The following ADGRB2 variants were observed in gnomAD, a reference collection of about 807,000 sequenced individuals.
ADGRB2 encodes the protein brain-specific angiogenesis inhibitor 2.
ADGRB2 carries 47 observed loss-of-function variants against 178.7 expected under a neutral mutation model. The observed-to-expected ratio is 0.26, with a 90% CI of 0.21 to 0.34. The LOEUF (loss-of-function observed/expected upper bound fraction) is 0.34. ADGRB2 is among the 10% of genes least tolerant of loss of function. ADGRB2 has a pLI of 1.00. For synonymous variants in ADGRB2, 870 were observed against 912.4 expected, an observed-to-expected ratio of 0.95 and a Z score of 0.84; for missense variants, 1,584 against 2,180.8, an observed-to-expected ratio of 0.73 and a Z score of 5.45.
At chr1:31,762,258 G>C (rs1647062127) in intron 1 of ADGRB2, among the ~76,000 whole-genome samples, 1 of 152,088 alleles carries the variant, frequency 6.6e-6, no homozygotes, top group African/African-American at 2.4e-5. Flanking sequence ...TCTTGGTCCA[G>C]AGAAGACCCT....
At position 31,756,113 on chromosome 1, in the gene ADGRB2, G is replaced by A. The variant is rs1232691965; in HGVS notation, c.724C>T (p.Pro242Ser). ...GSTTTTSPGPPAAHTLSNALV... is the reference protein window; with the variant it reads ...GSTTTTSPGPSAAHTLSNALV... ...GCATTGGACAGGGTGTGGGCAGCAG[G>A]AGGGCCTGGAGATGTGGTGGTGGTG... Residue 242 changes from proline (P) to serine (S), a missense_variant, in exon 4 of 33, where the codon CCT becomes TCT. Physicochemically the swap from Pro to Ser is moderately conservative, Grantham distance 74. Around this residue, in one of 3 missense-constraint regions of ADGRB2, gnomAD observed 657 missense variants for 847.6 expected, o/e 0.78. Coordinates refer to ENST00000373658, the MANE Select transcript of ADGRB2 (RefSeq NM_001364857.2). The surrounding 1 kb of genome is among the most constrained non-coding windows in gnomAD (Gnocchi z 8.5). 5 of 1,613,814 alleles carry A rather than the reference G, an allele frequency of 3.1e-6. No homozygotes were observed. Among genetic ancestry groups the A allele is most frequent in the Non-Finnish European group, 4.2e-6 (5 of 1,179,982 alleles).
At chr1:31,739,258 G>C (rs781015179) in intron 15 of ADGRB2, 50 bp downstream of exon 15, 6 of 1,429,846 alleles carry the variant, frequency 4.2e-6, no homozygotes, top group African/African-American at 1.4e-5. Flanking sequence ...TCCCTTACCT[G>C]GGCCTTCCTG....
Position 31,736,393 on chromosome 1 carries a change from G to T in ADGRB2, c.3131-3C>A, listed in dbSNP as rs370038511. 1.2e-6 allele frequency: 2 copies of T among 1,613,760 alleles called. No homozygotes were observed. The highest frequency in any genetic ancestry group is 2.7e-5 in the African/African-American group (2 of 74,880). On this transcript the variant is annotated splice_polypyrimidine_tract_variant and splice_region_variant and intron_variant, in intron 21 of 32. Transcript: ENST00000373658. The stretch of plus-strand genomic sequence containing the variant: ...GGCCACCACCAGGGCAGGCAGACCT[G>T]GGGGAGCAGGGGTGCCAGAGTGAGA...
At chr1:31,749,118 C>T (rs917632335) in intron 4 of ADGRB2, among the ~76,000 whole-genome samples, 1 of 152,212 alleles carries the variant, frequency 6.6e-6, no homozygotes, top group African/African-American at 2.4e-5. Context: ...GTCCTTGCCC[C>T]TCTTATCCTG....
Position 31,727,813 on chromosome 1 carries a change from G to T in ADGRB2, c.4573-208C>A. 1.2e-6 allele frequency: 1 copy of T among 855,314 alleles called. No homozygotes were observed. Among genetic ancestry groups the T allele is most frequent in the Non-Finnish European group, 1.7e-6 (1 of 571,938 alleles). 53.0% of individuals were successfully genotyped at this position (855,314 alleles called of 1,614,324 possible). A position where few individuals can be genotyped will look rare whatever the true frequency, so the allele number is the denominator to read the frequency against. The stretch of plus-strand genomic sequence containing the variant: ...CAGTGGCCCCCAGGACATGTCTCCT[G>T]CTGACCACTCTCCCTCCCAATCCTG... On this transcript the variant is annotated intron_variant, in intron 32 of 32. Coordinates refer to ENST00000373658, the MANE Select transcript of ADGRB2 (RefSeq NM_001364857.2). The surrounding 1 kb of genome is among the most constrained non-coding windows in gnomAD (Gnocchi z 4.4).
chr1:31,756,873 C>G lies in ADGRB2; in HGVS notation c.22-58G>C, dbSNP rs1646863080. The stretch of plus-strand genomic sequence containing the variant: ...AGCACAGCCAGCATGGGCTCTGAAC[C>G]TTCTATGGTGAGCTGCGGGAGTGGG... On this transcript the variant is annotated intron_variant, in intron 3 of 32. Coordinates refer to ENST00000373658, the MANE Select transcript of ADGRB2 (RefSeq NM_001364857.2). The surrounding 1 kb of genome is among the most constrained non-coding windows in gnomAD (Gnocchi z 8.5). 2.1e-6 allele frequency: 3 copies of G among 1,422,380 alleles called. No individual in the cohort carries two copies. The highest frequency in any genetic ancestry group is 9.3e-7 in the Non-Finnish European group (1 of 1,074,468). The allele number at this position is 1,422,380 out of a possible 1,614,324, so 88.1% of individuals were successfully genotyped here.
At position 31,748,809 on chromosome 1, in the gene ADGRB2, C is replaced by CAG. The variant is rs1301004218; in HGVS notation, c.839-4079_839-4078insCT. Among the ~76,000 whole-genome samples, 220 of 152,364 alleles carry CAG rather than the reference C, an allele frequency of 1.4e-3. 1 individual carries two copies. The highest frequency in any genetic ancestry group is 2.5e-3 in the Non-Finnish European group (171 of 68,036). ...CATAACTATTCTGTTCTGAATAAGG[C>CAG]AACGTTTACTAAACAACTCCTACAT... is the stretch of plus-strand genomic sequence containing the variant. On this transcript the variant is annotated intron_variant, in intron 4 of 32. Transcript: ENST00000373658.
Position 31,758,128 on chromosome 1 carries a change from C to G in ADGRB2, c.-190-617G>C, listed in dbSNP as rs1401688926. 1.3e-5 allele frequency among the ~76,000 whole-genome samples: 2 copies of G among 152,228 alleles called. No individual in the cohort carries two copies. The highest frequency in any genetic ancestry group is 6.5e-5 in the Admixed American group (1 of 15,290). On this transcript the variant is annotated intron_variant, in intron 1 of 32. Transcript: ENST00000373658. The surrounding 1 kb of genome is among the most constrained non-coding windows in gnomAD (Gnocchi z 4.2). ...TCAGCCCCACTTCCAATCCTACCCC[C>G]CAAGTAATCCAAGCGGCCTCCCTCC...
Position 31,738,590 on chromosome 1 carries a change from C to G in ADGRB2, c.2642G>C (p.Arg881Thr). The G allele has an allele frequency of 6.2e-7, 1 of 1,609,552 alleles. No individual in the cohort carries two copies. The change falls in exon 17 of 33, where the codon AGA (arginine) becomes ACA (threonine). Residue 881 changes from arginine (R) to threonine (T), a missense_variant. By Grantham distance (71) the Arg-to-Thr change is moderately conservative. This residue lies in a region of ADGRB2 where 865 missense variants were observed against 1,192.8 expected (regional missense o/e 0.73). Transcript: ENST00000373658. ...CCAGAGGAGCCACCCAACTCACGCT[C>G]TGGAGTAGTCCCAGCTGGCGCAATG... ...DPHCASWDYS[R>T]ADASSGDWDT...
Position 31,735,968 on chromosome 1 carries a change from C to T in ADGRB2, c.3201-75G>A, listed in dbSNP as rs1645585981. ...CACCCTCAAACACCATCCCTCAGTC[C>T]TCCCAGGCTGCCATGCCCGCATCAC... is the stretch of plus-strand genomic sequence containing the variant. On this transcript the variant is annotated intron_variant, in intron 22 of 32. Transcript: ENST00000373658. This position sits in a 1 kb window ranked among gnomAD's most constrained non-coding sequence, Gnocchi z 6.0. 14 of 1,430,522 alleles carry T rather than the reference C, an allele frequency of 9.8e-6. No individual in the cohort carries two copies. The South Asian group carries it at 1.3e-4, about 13-fold the overall frequency. 88.6% of individuals were successfully genotyped at this position (1,430,522 alleles called of 1,614,324 possible).
rs112422181 is a variant in ADGRB2 at position 31,747,725 on chromosome 1, C to T, written c.839-2994G>A. Reference sequence around the variant, plus strand: ...AATGCCAGCACAAAACTCAGCCCAGCGAAATACCAAGAAATAAGCACCAAT... The same window carrying T: ...AATGCCAGCACAAAACTCAGCCCAGTGAAATACCAAGAAATAAGCACCAAT... On this transcript the variant is annotated intron_variant, in intron 4 of 32. Transcript: ENST00000373658. Among the ~76,000 whole-genome samples, 688 of 152,276 alleles carry T rather than the reference C, an allele frequency of 4.5e-3. 8 individuals are homozygous for T. The highest frequency in any genetic ancestry group is 0.035 in the East Asian group (179 of 5,186).
At position 31,744,181 on chromosome 1, in the gene ADGRB2, G is replaced by A. The variant is rs1320733728; in HGVS notation, c.1087+12C>T. The A allele has an allele frequency of 1.3e-6, 2 of 1,517,418 alleles. No homozygotes were observed. Among genetic ancestry groups the A allele is most frequent in the Non-Finnish European group, 1.8e-6 (2 of 1,126,940 alleles). The allele number at this position is 1,517,418 out of a possible 1,614,324, so 94.0% of individuals were successfully genotyped here. The stretch of plus-strand genomic sequence containing the variant: ...CTGCAGGCAGGTGGGGTGGGGAGGA[G>A]GATGGGCCTACCTGGGCAGGTGGCT... On this transcript the variant is annotated intron_variant, in intron 6 of 32. Transcript: ENST00000373658. This position sits in a 1 kb window ranked among gnomAD's most constrained non-coding sequence, Gnocchi z 6.7.
chr1:31,733,053 G>T lies in ADGRB2; in HGVS notation c.3543C>A (p.Val1181=), dbSNP rs1277897611. The T allele has an allele frequency of 3.2e-5, 50 of 1,579,218 alleles. No individual in the cohort carries two copies. Among genetic ancestry groups the T allele is most frequent in the Non-Finnish European group, 3.7e-5 (43 of 1,162,692 alleles). ...AGACAGCAAAGAGGGCCTGGAAGAG[G>T]ACGGAACGGCGGTCTGTCATAGCCA... The part of the protein sequence containing the change: ...AVLAMTDRRS[V]LFQALFAVFN... The change falls in exon 26 of 33, where the codon GTC becomes GTA. Residue 1181 remains valine (V), a synonymous_variant. Coordinates refer to ENST00000373658, the MANE Select transcript of ADGRB2 (RefSeq NM_001364857.2). The surrounding 1 kb of genome is among the most constrained non-coding windows in gnomAD (Gnocchi z 4.3).
chr1:31,744,441 G>A lies in ADGRB2; in HGVS notation c.923-84C>T. The A allele has an allele frequency of 3.3e-6, 5 of 1,516,460 alleles. No homozygotes were observed. The South Asian group carries it at 4.9e-5, about 15-fold the overall frequency. 93.9% of individuals were successfully genotyped at this position (1,516,460 alleles called of 1,614,324 possible). ...GGGATAGGGGGAGTGGCAGTAAGGTGGGGGCAGGCATCAGAGGGCTCCTCC... is the reference window on the plus strand; with the variant it reads ...GGGATAGGGGGAGTGGCAGTAAGGTAGGGGCAGGCATCAGAGGGCTCCTCC... On this transcript the variant is annotated intron_variant, in intron 5 of 32. Transcript: ENST00000373658. This position sits in a 1 kb window ranked among gnomAD's most constrained non-coding sequence, Gnocchi z 6.7.
chr1:31,730,232 A>C (rs1305069735), intron 29 of ADGRB2, among the ~76,000 whole-genome samples: 1 of 152,196 alleles, frequency 6.6e-6, no homozygotes, highest in Non-Finnish European at 1.5e-5. Flanking sequence ...TTTTCTCCGG[A>C]AGAGAGGGTC....
chr1:31,756,914 C>T lies in ADGRB2; in HGVS notation c.22-99G>A, dbSNP rs1646866089. 5 of 1,280,756 alleles carry T rather than the reference C, an allele frequency of 3.9e-6. No homozygotes were observed. Among genetic ancestry groups the T allele is most frequent in the Admixed American group, 2.9e-5 (1 of 34,900 alleles). 79.3% of individuals were successfully genotyped at this position (1,280,756 alleles called of 1,614,324 possible). A position where few individuals can be genotyped will look rare whatever the true frequency, so the allele number is the denominator to read the frequency against. On this transcript the variant is annotated intron_variant, in intron 3 of 32. Coordinates refer to ENST00000373658, the MANE Select transcript of ADGRB2 (RefSeq NM_001364857.2). The surrounding 1 kb of genome is among the most constrained non-coding windows in gnomAD (Gnocchi z 8.5). ...CGGGAGTGGGCCTCATAAGTTAAGA[C>T]CCTGGTCTTTGAAGTGTCACCTGGG...
intron 15 of ADGRB2, 51 bp from the exon 16 acceptor site, chr1:31,738,988 T>A (rs755592550): frequency 6.0e-5 from 90 of 1,496,416 alleles, no homozygotes; most frequent in Non-Finnish European, 9.2e-6. Flanking sequence ...CCAGCCCCAG[T>A]CAGAAACCCT....
intron 6 of ADGRB2, 24 bp from the exon 7 acceptor site, chr1:31,743,026 G>C: frequency 7.2e-7 from 1 of 1,395,532 alleles, no homozygotes; most frequent in Non-Finnish European, 9.3e-7. Flanking sequence ...CGTGGCCGGT[G>C]GCTGGGCGGC....
intron 1 of ADGRB2, among the ~76,000 whole-genome samples, chr1:31,757,990 G>A (rs962833069): frequency 3.3e-5 from 5 of 152,110 alleles, no homozygotes; most frequent in African/African-American, 1.2e-4. Context: ...GGCTGAGGAT[G>A]GGGGGAGCTG....
Sources: allele counts gnomAD v4.1 joint callset (sites outside exome capture counted in the v4.1 genomes callset), GRCh38; gene constraint gnomAD v4.1.1; regional missense constraint gnomAD v4.1.1; non-coding constraint Gnocchi (gnomAD v3.1); transcripts MANE v1.5; gene names NCBI Gene and HGNC (gene_info 2026-07-23, HGNC 2026-07-21).